The following SH2B1 variants were observed in gnomAD, a reference collection of about 807,000 sequenced individuals.
The protein encoded by SH2B1 is SH2B adaptor protein 1.
A neutral mutation model predicts 62.6 loss-of-function variants in SH2B1; 15 were observed. That is an observed-to-expected ratio of 0.24 (90% CI 0.16 to 0.37). The LOEUF is 0.37. Ranked by LOEUF, SH2B1 falls within the 10% of genes least tolerant of loss-of-function variation. SH2B1 has a pLI of 1.00. For synonymous variants in SH2B1, 443 were observed against 438.0 expected, an observed-to-expected ratio of 1.01 and a Z score of -0.14; for missense variants, 925 against 1,015.6, an observed-to-expected ratio of 0.91 and a Z score of 1.21.
rs986914684 is a variant in SH2B1 at position 28,864,703 on chromosome 16, C to T, written c.-1392C>T. 7.7e-5 allele frequency: 75 copies of T among 978,452 alleles called. 1 individual carries two copies. Among genetic ancestry groups the T allele is most frequent in the Non-Finnish European group, 1.9e-5 (16 of 823,832 alleles). The allele number at this position is 978,452 out of a possible 1,614,324, so 60.6% of individuals were successfully genotyped here. A position where few individuals can be genotyped will look rare whatever the true frequency, so the allele number is the denominator to read the frequency against. ...TATTGCGTGGCGGGAGGAGCGCTAA[C>T]AAGAGCCAAGGGTTGTAAATTCCAC... On this transcript the variant is annotated 5_prime_UTR_variant, in exon 1 of 8. Coordinates refer to ENST00000684370, the MANE Select transcript of SH2B1 (RefSeq NM_001387430.1).
chr16:28,869,177 C>T (rs1191263901), intron 3 of SH2B1, 31 bp from the exon 4 acceptor site: 1 of 1,613,704 alleles, frequency 6.2e-7, no homozygotes, highest in African/African-American at 1.3e-5. Context: ...TGGTGACTTT[C>T]CTCCCAGCAC....
intron 1 of SH2B1, among the ~76,000 whole-genome samples, chr16:28,853,338 G>T (rs1008613562): frequency 6.7e-6 from 1 of 148,750 alleles, no homozygotes; most frequent in Non-Finnish European, 1.5e-5. Flanking sequence ...CAAGTAGCTG[G>T]GATTACAGGC....
upstream of SH2B1, among the ~76,000 whole-genome samples, chr16:28,859,778 C>T (rs923416892): frequency 2.0e-5 from 3 of 151,858 alleles, no homozygotes; most frequent in African/African-American, 7.3e-5. Context: ...GAGACTGAGA[C>T]CAAGTTCAAA....
rs577442639 is a variant in SH2B1 at position 28,868,126 on chromosome 16, T to G, written c.1041+694T>G. Reference sequence around the variant, plus strand: ...CAGGCGTGAGCCACTGTGCCTGGCCTTATTTTATTTTATTATTTATTTATT... The same window carrying G: ...CAGGCGTGAGCCACTGTGCCTGGCCGTATTTTATTTTATTATTTATTTATT... On this transcript the variant is annotated intron_variant, in intron 2 of 7. Coordinates refer to ENST00000684370, the MANE Select transcript of SH2B1 (RefSeq NM_001387430.1). Among the ~76,000 whole-genome samples, 14 of 140,480 alleles carry G rather than the reference T, an allele frequency of 1.0e-4. No individual in the cohort carries two copies. The East Asian group carries it at 2.8e-3, about 28-fold the overall frequency. The allele number at this position is 140,480 out of a possible 152,430, so 92.2% of individuals were successfully genotyped here.
rs1337307024 is a variant in SH2B1, at chr16:28,869,466, A to G, written c.1309+83A>G. ...CTGTCAGGCGCCATGCCCTCTCCAGACGCCACTGTGCCCCCATCCCTGTTT... is the reference window on the plus strand; with the variant it reads ...CTGTCAGGCGCCATGCCCTCTCCAGGCGCCACTGTGCCCCCATCCCTGTTT... On this transcript the variant is annotated intron_variant, in intron 4 of 7. Transcript: ENST00000684370. 9 of 1,265,432 alleles carry G rather than the reference A, an allele frequency of 7.1e-6. No individual in the cohort carries two copies. The East Asian group carries it at 2.0e-4, about 28-fold the overall frequency. 78.4% of individuals were successfully genotyped at this position (1,265,432 alleles called of 1,614,324 possible).
chr16:28,862,890 T>C (rs1219712399), upstream of SH2B1: 1 of 151,582 alleles, frequency 6.6e-6, no homozygotes, highest in East Asian at 1.9e-4. Flanking sequence ...AGGGCTGGGA[T>C]TACAGGCGTG....
In SH2B1 at chr16:28,872,275, T is replaced by C. The variant is rs1421110365; in HGVS notation, c.1599T>C (p.Ser533=). The part of the protein sequence containing the change: ...SGYPWFHGML[S]RLKAAQLVLT... The stretch of plus-strand genomic sequence containing the variant: ...ATCCTTGGTTCCACGGGATGCTCTC[T>C]CGGCTCAAGGCTGCACAGTTGGTGC... Residue 533 remains serine, a synonymous_variant, in exon 6 of 8, where the codon TCT becomes TCC. Transcript: ENST00000684370. This position sits in a 1 kb window ranked among gnomAD's most constrained non-coding sequence, Gnocchi z 5.3. 6.8e-6 allele frequency: 11 copies of C among 1,613,952 alleles called. No homozygotes were observed. The highest frequency in any genetic ancestry group is 9.3e-6 in the Non-Finnish European group (11 of 1,179,956).
rs1567459292 is a variant in SH2B1 at position 28,852,837 on chromosome 16, TA to T, written c.-301+6011del. On this transcript the variant is annotated intron_variant, in intron 1 of 10. Coordinates refer to the SH2B1 transcript ENST00000322610. ...ATATTTACATATATATTTATATATA[TA>T]TACATATATATATTTTTATATATAT... is the stretch of plus-strand genomic sequence containing the variant. Among the ~76,000 whole-genome samples, 4 of 77,792 alleles carry T rather than the reference TA, an allele frequency of 5.1e-5. 1 individual carries two copies. The highest frequency in any genetic ancestry group is 6.9e-5 in the Non-Finnish European group (3 of 43,730). The allele number at this position is 77,792 out of a possible 152,430, so 51.0% of individuals were successfully genotyped here.
At chr16:28,860,670 A>G (rs181260711), upstream of SH2B1, among the ~76,000 whole-genome samples, 111 of 152,090 alleles carry the variant, frequency 7.3e-4, no homozygotes, top group African/African-American at 2.6e-3. Context: ...ATGGCAGCAC[A>G]CCCTGTGATC....
At chr16:28,857,538 G>T (rs1037215691) in intron 1 of SH2B1, among the ~76,000 whole-genome samples, 2 of 152,110 alleles carry the variant, frequency 1.3e-5, no homozygotes, top group Non-Finnish European at 1.5e-5. Flanking sequence ...CTCATAGAAT[G>T]CAGGAAAGCA....
At chr16:28,863,040 C>G (rs1234048230), upstream of SH2B1, 1 of 151,998 alleles carries the variant, frequency 6.6e-6, no homozygotes, top group Admixed American at 6.6e-5. Flanking sequence ...AAGCTATTCT[C>G]TTGCCTCTGC....
At chr16:28,852,355 T>TATAC (rs1962137313) in intron 1 of SH2B1, among the ~76,000 whole-genome samples, 1 of 18,352 alleles carries the variant, frequency 5.4e-5, no homozygotes, top group African/African-American at 2.7e-4. Flanking sequence ...TATATATTTA[T>TATAC]ATATATATTT....
chr16:28,859,238 C>T (rs936850199), upstream of SH2B1, among the ~76,000 whole-genome samples: 17 of 151,996 alleles, frequency 1.1e-4, no homozygotes, highest in African/African-American at 3.9e-4. Flanking sequence ...GCCACCATGC[C>T]CAGCCTATTT....
At chr16:28,858,972 G>A (rs1962380249), upstream of SH2B1, among the ~76,000 whole-genome samples, 1 of 151,478 alleles carries the variant, frequency 6.6e-6, no homozygotes, top group African/African-American at 2.4e-5. Flanking sequence ...TCATTTATTT[G>A]GTTTTTTTTA....
At chr16:28,854,495 T>C (rs1054521482) in intron 1 of SH2B1, among the ~76,000 whole-genome samples, 15 of 152,000 alleles carry the variant, frequency 9.9e-5, no homozygotes, top group Non-Finnish European at 1.9e-4. Flanking sequence ...CTCATGCCTG[T>C]ATGTAATCCC....
At position 28,865,131 on chromosome 16, in the gene SH2B1, A is replaced by G; in HGVS notation, c.-964A>G. ...CCCCAGTGGGAGAAGAGGAAGGTGA[A>G]AAATCCTAGGGCCCCAGCTCTCCCT... On this transcript the variant is annotated 5_prime_UTR_variant, in exon 1 of 8. Transcript: ENST00000684370. 1 of 985,614 alleles carries G rather than the reference A, an allele frequency of 1.0e-6. No individual in the cohort carries two copies. Among genetic ancestry groups the G allele is most frequent in the East Asian group, 1.1e-4 (1 of 8,930 alleles). 61.1% of individuals were successfully genotyped at this position (985,614 alleles called of 1,614,324 possible).
chr16:28,872,206 G>A lies in SH2B1; in HGVS notation c.1530G>A (p.Gln510=), dbSNP rs775958552. 6.2e-7 allele frequency: 1 copy of A among 1,612,924 alleles called. No homozygotes were observed. Among genetic ancestry groups the A allele is most frequent in the African/African-American group, 1.3e-5 (1 of 74,920 alleles). The part of the protein sequence containing the change: ...PETATGSFLF[Q]GEPEGGEGDQ... ...TTCCTGAAGGGTCCTTCCTGTTCCA[G>A]GGGGAGCCAGAGGGCGGTGAGGGGG... Residue 510 remains glutamine (Q), a synonymous_variant, in exon 6 of 8, where the codon CAG becomes CAA. Coordinates refer to ENST00000684370, the MANE Select transcript of SH2B1 (RefSeq NM_001387430.1). This position sits in a 1 kb window ranked among gnomAD's most constrained non-coding sequence, Gnocchi z 5.3.
chr16:28,853,168 A>G (rs1321602746), intron 1 of SH2B1, among the ~76,000 whole-genome samples: 4 of 136,260 alleles, frequency 2.9e-5, no homozygotes, highest in African/African-American at 5.5e-5. Flanking sequence ...ATATATAAAT[A>G]TATATATATT....
At position 28,864,933 on chromosome 16, in the gene SH2B1, A is replaced by G. The variant is rs1403138972; in HGVS notation, c.-1162A>G. The G allele has an allele frequency of 3.4e-6, 1 of 291,010 alleles. No homozygotes were observed. Among genetic ancestry groups the G allele is most frequent in the Non-Finnish European group, 5.1e-6 (1 of 195,084 alleles). The allele number at this position is 291,010 out of a possible 1,614,324, so 18.0% of individuals were successfully genotyped here. The stretch of plus-strand genomic sequence containing the variant: ...TCTCAACATTTCGAGGGGAGGGATC[A>G]TTAGCTTTGTTTAACAGATAGAAAA... On this transcript the variant is annotated 5_prime_UTR_variant, in exon 1 of 8. Coordinates refer to ENST00000684370, the MANE Select transcript of SH2B1 (RefSeq NM_001387430.1).
Sources: gnomAD v4.1 joint callset for allele counts (sites outside exome capture counted in the v4.1 genomes callset) on GRCh38, gnomAD v4.1.1 for gene constraint, Gnocchi (gnomAD v3.1) non-coding constraint, MANE v1.5 for transcripts, NCBI Gene and HGNC (gene_info 2026-07-23, HGNC 2026-07-21) for gene names.